The following ZNF711 variants were observed in gnomAD, a reference collection of about 807,000 sequenced individuals.
The protein encoded by ZNF711 is ZFX family zinc finger ZNF711, also known as zinc finger protein 711.
In ZNF711, 3 loss-of-function variants were observed where a neutral mutation model predicts 43.5. The observed-to-expected ratio is 0.07, with a 90% CI of 0.03 to 0.18. The LOEUF is 0.18. Among genes scored for constraint, ZNF711 ranks in the 10% least tolerant of loss-of-function variants. The pLI is 1.00. For synonymous variants in ZNF711, 209 were observed against 207.7 expected (o/e 1.01, Z -0.06); for missense variants, 412 against 604.0 (o/e 0.68, Z 3.33).
intron 9 of ZNF711, among the ~76,000 whole-genome samples, chrX:85,269,076 T>C (rs1931337210): frequency 8.9e-6 from 1 of 111,809 alleles, no homozygotes; most frequent in Admixed American, 9.5e-5. Flanking sequence ...ATGTATGCAC[T>C]GATCACACTG....
In ZNF711 at chrX:85,264,356, A is replaced by C; in HGVS notation, c.704A>C (p.Lys235Thr). The change falls in exon 6 of 11, where the codon AAA becomes ACA. Residue 235 changes from lysine (K) to threonine (T), a missense_variant. Lys to Thr is a moderately conservative substitution (Grantham distance 78). Transcript: ENST00000674551. ...AGTGATGGTTCACAAGAAGATGCTA[A>C]AGAAGATGGGTTTGGTTCTGAAGTT... ...IGSDGSQEDAKEDGFGSEVIK... is the reference protein window; with the variant it reads ...IGSDGSQEDATEDGFGSEVIK... 8.3e-7 allele frequency: 1 copy of C among 1,207,649 alleles called. No homozygotes were observed. Among genetic ancestry groups the C allele is most frequent in the East Asian group, 3.0e-5 (1 of 33,707 alleles).
chrX:85,244,944 G>A (rs1238859546), intron 1 of ZNF711: 1 of 111,829 alleles, frequency 8.9e-6, no homozygotes, highest in African/African-American at 3.3e-5. Context: ...CTTCCTTTCT[G>A]CTGCGAAGGT....
chrX:85,258,981 C>T (rs886339627), intron 5 of ZNF711, among the ~76,000 whole-genome samples: 6 of 110,962 alleles, frequency 5.4e-5, no homozygotes, highest in East Asian at 5.6e-4. Context: ...AATTCTTTCC[C>T]GAGGCCAATG....
intron 5 of ZNF711, among the ~76,000 whole-genome samples, chrX:85,260,163 G>T (rs1057269135): frequency 1.8e-5 from 2 of 111,038 alleles, no homozygotes; most frequent in Non-Finnish European, 3.8e-5. Context: ...CATGGTTTTT[G>T]CTTGTAATTC....
intron 5 of ZNF711, among the ~76,000 whole-genome samples, chrX:85,262,562 A>C (rs772323215): frequency 3.6e-3 from 402 of 110,297 alleles, no homozygotes; most frequent in Non-Finnish European, 5.1e-3. Context: ...TTATAAGAGA[A>C]GCTATTAAGC....
chrX:85,244,428 C>G (rs1399792722), intron 1 of ZNF711, among the ~76,000 whole-genome samples: 1 of 111,800 alleles, frequency 8.9e-6, no homozygotes, highest in Non-Finnish European at 1.9e-5. Flanking sequence ...CCAACCTCCT[C>G]TTTCCCTAGG....
intron 4 of ZNF711, among the ~76,000 whole-genome samples, chrX:85,248,183 A>G (rs903208292): frequency 9.2e-6 from 1 of 108,508 alleles, no homozygotes; most frequent in Non-Finnish European, 1.9e-5. Context: ...TAAAAAAAAA[A>G]AAGAGGCCGG....
At chrX:85,255,178 T>C in intron 4 of ZNF711, 81 bp from the exon 5 acceptor site, 2 of 898,121 alleles carry the variant, frequency 2.2e-6, no homozygotes, top group South Asian at 4.4e-5. Flanking sequence ...AAGAAATATT[T>C]ATAGCATTTG....
intron 4 of ZNF711, among the ~76,000 whole-genome samples, chrX:85,251,246 T>C (rs1929527856): frequency 8.9e-6 from 1 of 111,873 alleles, no homozygotes; most frequent in African/African-American, 3.3e-5. Context: ...ATCTGAAACA[T>C]TAATTTAATG....
chrX:85,268,714 AT>A (rs1931309961), intron 9 of ZNF711, among the ~76,000 whole-genome samples: 1 of 111,480 alleles, frequency 9.0e-6, no homozygotes, highest in African/African-American at 3.3e-5. Flanking sequence ...TGTTTTCTTA[AT>A]TTCTATGGCA....
intron 4 of ZNF711, among the ~76,000 whole-genome samples, chrX:85,253,133 A>G (rs1929689928): frequency 8.9e-6 from 1 of 111,890 alleles, no homozygotes; most frequent in Admixed American, 9.5e-5. Flanking sequence ...GGGATTTTAC[A>G]CTTGTACAAT....
rs1464872108 is a variant in ZNF711 at position 85,264,325 on chromosome X, A to C, written c.673A>C (p.Ile225Leu). The C allele has an allele frequency of 8.3e-7, 1 of 1,204,395 alleles. No individual in the cohort carries two copies. Among genetic ancestry groups the C allele is most frequent in the African/African-American group, 1.7e-5 (1 of 57,646 alleles). ...LEHMGNTPLK[I>L]GSDGSQEDAK... ...GCATATGGGGAATACACCATTAAAA[A>C]TTGGCAGTGATGGTTCACAAGAAGA... is the stretch of plus-strand genomic sequence containing the variant. Residue 225 changes from isoleucine to leucine, a missense_variant, in exon 6 of 11, where the codon ATT becomes CTT. Ile to Leu is a conservative substitution (Grantham distance 5, BLOSUM62 2). Coordinates refer to ENST00000674551, the MANE Select transcript of ZNF711 (RefSeq NM_001330574.2).
Position 85,247,560 on chromosome X carries a change from A to G in ZNF711, c.-13A>G. 1 of 1,196,872 alleles carries G rather than the reference A, an allele frequency of 8.4e-7. No homozygotes were observed. The highest frequency in any genetic ancestry group is 1.1e-6 in the Non-Finnish European group (1 of 884,215). On this transcript the variant is annotated 5_prime_UTR_variant, in exon 4 of 11. Coordinates refer to ENST00000674551, the MANE Select transcript of ZNF711 (RefSeq NM_001330574.2). ...TTTCTTTTGCAGATATTGGTGAATGAACTTTGCTAAGTATGGATTCAGGCG... is the reference window on the plus strand; with the variant it reads ...TTTCTTTTGCAGATATTGGTGAATGGACTTTGCTAAGTATGGATTCAGGCG...
intron 1 of ZNF711, chrX:85,244,996 C>T (rs1928896979): frequency 8.9e-6 from 1 of 112,080 alleles, no homozygotes; most frequent in Non-Finnish European, 1.9e-5. Context: ...GGTAATACCT[C>T]AGAGGGCACG....
intron 6 of ZNF711, among the ~76,000 whole-genome samples, chrX:85,264,835 T>C (rs1201635978): frequency 9.0e-6 from 1 of 110,548 alleles, no homozygotes; most frequent in Non-Finnish European, 1.9e-5. Context: ...CTCATAATAA[T>C]AAAAGCTACC....
intron 1 of ZNF711, chrX:85,244,628 A>G (rs1475292321): frequency 9.1e-6 from 1 of 110,478 alleles, no homozygotes; most frequent in African/African-American, 3.3e-5. Context: ...TGACCGAGCT[A>G]ATAGTAACCT....
In ZNF711 at chrX:85,270,098, C is replaced by G; in HGVS notation, c.1198C>G (p.Gln400Glu). ...DGINTNKVLK[Q>E]KAKKRRRGET... ...CATTAATACAAATAAAGTACTTAAA[C>G]AAAAAGCCAAAAAGAGGAGAAGGGG... Residue 400 changes from glutamine to glutamate, a missense_variant, in exon 10 of 11, where the codon CAA becomes GAA. Around this residue, in one of 4 missense-constraint regions of ZNF711, gnomAD observed 375 missense variants for 514.2 expected, o/e 0.73. Coordinates refer to ENST00000674551, the MANE Select transcript of ZNF711 (RefSeq NM_001330574.2). The G allele has an allele frequency of 8.3e-7, 1 of 1,209,021 alleles. No homozygotes were observed. Among genetic ancestry groups the G allele is most frequent in the Non-Finnish European group, 1.1e-6 (1 of 894,293 alleles).
Position 85,271,690 on chromosome X carries a change from A to G in ZNF711, c.2286A>G (p.Ala762=). ...CEYCEYSTTD[A]SGFKRHVISI... ...ATTGTGAATACAGCACTACAGATGC[A>G]TCTGGCTTTAAACGACATGTGATAT... Residue 762 remains alanine, a synonymous_variant, in exon 11 of 11, where the codon GCA becomes GCG. Coordinates refer to ENST00000674551, the MANE Select transcript of ZNF711 (RefSeq NM_001330574.2). 1.7e-6 allele frequency: 2 copies of G among 1,210,834 alleles called. No homozygotes were observed. Among genetic ancestry groups the G allele is most frequent in the Non-Finnish European group, 2.2e-6 (2 of 894,893 alleles).
chrX:85,250,437 C>T (rs1238339059), intron 4 of ZNF711, among the ~76,000 whole-genome samples: 1 of 111,542 alleles, frequency 9.0e-6, no homozygotes, highest in East Asian at 2.8e-4. Flanking sequence ...TTAGTATTTT[C>T]ATATTATCAT....
Sources: gnomAD v4.1 joint callset for allele counts (sites outside exome capture counted in the v4.1 genomes callset) on GRCh38, gnomAD v4.1.1 for gene constraint, gnomAD v4.1.1 regional missense constraint, MANE v1.5 for transcripts, NCBI Gene and HGNC (gene_info 2026-07-23, HGNC 2026-07-21) for gene names.